The following GPC5 variants were observed in gnomAD, a reference collection of about 807,000 sequenced individuals.
GPC5 encodes glypican-5.
GPC5 carries 47 observed loss-of-function variants against 53.9 expected under a neutral mutation model. The ratio of observed to expected loss-of-function variants is 0.87; its 90% CI spans 0.69 to 1.11. The LOEUF (loss-of-function observed/expected upper bound fraction) is 1.11, where lower values mean the gene tolerates loss of function less well. GPC5 is among the 50% of genes most tolerant of loss of function. The pLI, the probability that GPC5 is intolerant of heterozygous loss-of-function variation, is 0.00. For missense variants in GPC5, 748 were observed against 713.1 expected, an observed-to-expected ratio of 1.05 and a Z score of -0.56; for synonymous variants, 286 against 263.3, an observed-to-expected ratio of 1.09 and a Z score of -0.84.
chr13:91,783,930 G>A (rs956092621), intron 5 of GPC5, among the ~76,000 whole-genome samples: 6 of 152,140 alleles, frequency 3.9e-5, no homozygotes, highest in African/African-American at 1.4e-4. Flanking sequence ...GAGACGGTTA[G>A]TATAAAGGTC....
chr13:92,271,028 G>A (rs2042836148), intron 7 of GPC5, among the ~76,000 whole-genome samples: 1 of 152,192 alleles, frequency 6.6e-6, no homozygotes, highest in African/African-American at 2.4e-5. Context: ...GAGGCTCTAT[G>A]AGGTCTACTG....
intron 5 of GPC5, among the ~76,000 whole-genome samples, chr13:91,882,196 A>G: frequency 6.6e-6 from 1 of 152,152 alleles, no homozygotes; most frequent in East Asian, 1.9e-4. Context: ...TTGAATTTTG[A>G]ATAGGTAATG....
intron 1 of GPC5, among the ~76,000 whole-genome samples, chr13:91,404,232 G>A (rs1877158024): frequency 6.6e-6 from 1 of 152,052 alleles, no homozygotes; most frequent in Non-Finnish European, 1.5e-5. Flanking sequence ...TAGTTACCTG[G>A]TAAGACCAAG....
Position 92,307,432 on chromosome 13 carries a change from C to T in GPC5, c.1561+162443C>T, listed in dbSNP as rs2043118273. 2.0e-5 allele frequency among the ~76,000 whole-genome samples: 3 copies of T among 152,110 alleles called. No homozygotes were observed. The South Asian group carries it at 6.2e-4, about 32-fold the overall frequency. Reference sequence around the variant, plus strand: ...TCGTGCCATGGCACTCCAGCCTGGGCAATAGTTGGAGACTCTGTCTCAAAA... The same window carrying T: ...TCGTGCCATGGCACTCCAGCCTGGGTAATAGTTGGAGACTCTGTCTCAAAA... On this transcript the variant is annotated intron_variant, in intron 7 of 7. Transcript: ENST00000377067.
intron 7 of GPC5, among the ~76,000 whole-genome samples, chr13:92,602,175 CTA>C (rs997656746): frequency 7.3e-6 from 1 of 137,154 alleles, no homozygotes; most frequent in Non-Finnish European, 1.6e-5. Flanking sequence ...CAAATACACA[CTA>C]TATATATTAC....
chr13:92,089,034 A>G (rs1346306844), intron 6 of GPC5, among the ~76,000 whole-genome samples: 7 of 152,234 alleles, frequency 4.6e-5, no homozygotes, highest in African/African-American at 9.6e-5. Flanking sequence ...TGGCCAAGAC[A>G]TTAACATTTA....
intron 7 of GPC5, among the ~76,000 whole-genome samples, chr13:92,152,724 G>C (rs535911470): frequency 1.5e-5 from 2 of 136,560 alleles, no homozygotes; most frequent in Admixed American, 7.7e-5. Context: ...GGGCGACAGA[G>C]TGAGACTCCA....
chr13:91,835,956 A>G (rs1439038237), intron 5 of GPC5, among the ~76,000 whole-genome samples: 1 of 152,102 alleles, frequency 6.6e-6, no homozygotes, highest in Non-Finnish European at 1.5e-5. Flanking sequence ...TTTTAGATCT[A>G]GAACTTTACA....
chr13:91,490,071 T>G (rs979933295), intron 2 of GPC5, among the ~76,000 whole-genome samples: 2 of 152,226 alleles, frequency 1.3e-5, no homozygotes, highest in African/African-American at 4.8e-5. Context: ...CTACAATGAT[T>G]ATTTGGTAAG....
chr13:92,594,084 C>T (rs1883795314), intron 7 of GPC5, among the ~76,000 whole-genome samples: 1 of 151,954 alleles, frequency 6.6e-6, no homozygotes, highest in Non-Finnish European at 1.5e-5. Context: ...ATTCAGTAGG[C>T]CAGAGAAGGT....
intron 7 of GPC5, among the ~76,000 whole-genome samples, chr13:92,284,418 C>A (rs942041792): frequency 6.6e-6 from 1 of 152,248 alleles, no homozygotes; most frequent in Non-Finnish European, 1.5e-5. Flanking sequence ...GATACCAAAG[C>A]CTGACAGAGG....
intron 2 of GPC5, among the ~76,000 whole-genome samples, chr13:91,632,555 G>A (rs1372435441): frequency 7.9e-5 from 12 of 152,018 alleles, no homozygotes; most frequent in Admixed American, 7.9e-4. Context: ...ATGGAAAGAA[G>A]GCACTTGAAC....
intron 7 of GPC5, among the ~76,000 whole-genome samples, chr13:92,382,084 A>T (rs969374363): frequency 6.6e-6 from 1 of 151,426 alleles, no homozygotes; most frequent in Admixed American, 6.6e-5. Context: ...ATGAGATTGG[A>T]GGCTATTATT....
At chr13:92,461,571 C>T (rs9561052) in intron 7 of GPC5, among the ~76,000 whole-genome samples, 39,997 of 152,124 alleles carry the variant, frequency 0.26, 5,665 homozygotes, top group East Asian at 0.42. Flanking sequence ...CATACATTGA[C>T]CCAGATTCCC....
intron 7 of GPC5, among the ~76,000 whole-genome samples, chr13:92,307,270 C>T (rs1314285997): frequency 6.6e-6 from 1 of 152,010 alleles, no homozygotes; most frequent in African/African-American, 2.4e-5. Context: ...CCAGCTTGAC[C>T]ATGGTGAAAC....
intron 5 of GPC5, among the ~76,000 whole-genome samples, chr13:91,796,395 A>G (rs1373927609): frequency 6.6e-6 from 1 of 152,200 alleles, no homozygotes; most frequent in African/African-American, 2.4e-5. Context: ...CAGCGAGCCA[A>G]AGCTCAGCTT....
chr13:92,135,627 G>A (rs2041778264), intron 6 of GPC5, among the ~76,000 whole-genome samples: 1 of 152,184 alleles, frequency 6.6e-6, no homozygotes, highest in Non-Finnish European at 1.5e-5. Context: ...TTAGAGCCAA[G>A]AGAGTGATAA....
chr13:92,130,129 A>G (rs1365960257), intron 6 of GPC5, among the ~76,000 whole-genome samples: 1 of 152,144 alleles, frequency 6.6e-6, no homozygotes, highest in African/African-American at 2.4e-5. Context: ...GCATTTTAAC[A>G]TGCTGAGGGG....
chr13:91,590,154 T>C (rs1257170417), intron 2 of GPC5, among the ~76,000 whole-genome samples: 1 of 151,750 alleles, frequency 6.6e-6, no homozygotes, highest in Non-Finnish European at 1.5e-5. Flanking sequence ...AAGTTCTTTA[T>C]TTTTATTTTT....
Sources: allele counts gnomAD v4.1 joint callset (sites outside exome capture counted in the v4.1 genomes callset), GRCh38; gene constraint gnomAD v4.1.1; transcripts MANE v1.5; gene names NCBI Gene and HGNC (gene_info 2026-07-23, HGNC 2026-07-21).